The following RYR2 variants were observed in gnomAD, a reference collection of about 807,000 sequenced individuals.
RYR2 encodes the protein ryanodine receptor 2, also known as cardiac muscle ryanodine receptor-calcium release channel.
A neutral mutation model predicts 601.1 loss-of-function variants in RYR2; 227 were observed. The ratio of observed to expected loss-of-function variants is 0.38; its 90% confidence interval spans 0.34 to 0.42. The LOEUF is 0.42. Among genes scored for constraint, RYR2 ranks in the 10% least tolerant of loss-of-function variants. RYR2 has a pLI of 1.00. For synonymous variants in RYR2, 2,223 were observed against 2,175.1 expected, an observed-to-expected ratio of 1.02 and a Z score of -0.61; for missense variants, 4,646 against 6,156.5, an observed-to-expected ratio of 0.75 and a Z score of 8.21.
chr1:237,151,016 G>A (rs1372548933), intron 1 of RYR2, among the ~76,000 whole-genome samples: 1 of 152,080 alleles, frequency 6.6e-6, no homozygotes, highest in Non-Finnish European at 1.5e-5. Flanking sequence ...CAAATACACA[G>A]GAGTCACTGG....
chr1:237,463,876 C>T (rs770677815), intron 16 of RYR2, among the ~76,000 whole-genome samples: 4 of 151,990 alleles, frequency 2.6e-5, no homozygotes, highest in Non-Finnish European at 5.9e-5. Context: ...GCATGGTTTT[C>T]CGTTTTATTT....
chr1:237,276,365 G>C (rs1327273970), intron 2 of RYR2, among the ~76,000 whole-genome samples: 4 of 152,168 alleles, frequency 2.6e-5, no homozygotes. Context: ...CTCCCAAAGT[G>C]CTGAGATTAC....
intron 1 of RYR2, among the ~76,000 whole-genome samples, chr1:237,203,752 AAT>A (rs1394525673): frequency 6.6e-6 from 1 of 152,166 alleles, no homozygotes; most frequent in African/African-American, 2.4e-5. Flanking sequence ...TTAAATGGAC[AAT>A]TTGATGATTT....
At chr1:237,194,264 A>T (rs1680314211) in intron 1 of RYR2, among the ~76,000 whole-genome samples, 1 of 152,180 alleles carries the variant, frequency 6.6e-6, no homozygotes, top group Non-Finnish European at 1.5e-5. Context: ...CCGGATTAGA[A>T]ATCTAGAGAA....
At chr1:237,741,368 TG>T in intron 79 of RYR2, among the ~76,000 whole-genome samples, 1 of 152,248 alleles carries the variant, frequency 6.6e-6, no homozygotes, top group African/African-American at 2.4e-5. Flanking sequence ...GTTTATGATT[TG>T]TAGCTTATAT....
chr1:237,436,765 G>A (rs1022359082), intron 12 of RYR2, among the ~76,000 whole-genome samples: 11 of 150,796 alleles, frequency 7.3e-5, no homozygotes, highest in Non-Finnish European at 1.2e-4. Context: ...ATAGACATAC[G>A]GATGATTTTA....
intron 97 of RYR2, among the ~76,000 whole-genome samples, 170 bp from the exon 98 acceptor site, chr1:237,801,686 A>G (rs1465351026): frequency 6.6e-6 from 1 of 152,202 alleles, no homozygotes; most frequent in Non-Finnish European, 1.5e-5. Context: ...TCTAGGATAC[A>G]GTGTCAGAGT....
At chr1:237,730,912 C>G (rs1216050072) in intron 77 of RYR2, among the ~76,000 whole-genome samples, 1 of 152,242 alleles carries the variant, frequency 6.6e-6, no homozygotes, top group South Asian at 2.1e-4. Context: ...GTCATGGACC[C>G]ATCTAAATAT....
At chr1:237,578,784 T>C (rs997629403) in intron 29 of RYR2, among the ~76,000 whole-genome samples, 2 of 151,234 alleles carry the variant, frequency 1.3e-5, no homozygotes, top group Admixed American at 6.6e-5. Context: ...GATAAGGTGG[T>C]GGGAGTGGGG....
chr1:237,810,836 T>A (rs1054159468), intron 100 of RYR2, among the ~76,000 whole-genome samples: 1 of 152,122 alleles, frequency 6.6e-6, no homozygotes, highest in Non-Finnish European at 1.5e-5. Context: ...ACATTTAATT[T>A]AAAAAAACAA....
intron 38 of RYR2, among the ~76,000 whole-genome samples, chr1:237,620,163 A>G (rs1183785302): frequency 1.3e-5 from 2 of 152,176 alleles, no homozygotes; most frequent in East Asian, 3.8e-4. Context: ...TTTAAAAATT[A>G]TAAACAGAGG....
chr1:237,719,875 A>G (rs532245179), intron 73 of RYR2, among the ~76,000 whole-genome samples: 1 of 152,318 alleles, frequency 6.6e-6, no homozygotes, highest in African/African-American at 2.4e-5. Context: ...TGAGGATTAC[A>G]TTTCCACATG....
chr1:237,525,503 T>G (rs1207976930), intron 24 of RYR2, among the ~76,000 whole-genome samples: 1 of 152,002 alleles, frequency 6.6e-6, no homozygotes. Flanking sequence ...TAGGTTGGAG[T>G]GCAGTGGCAT....
chr1:237,313,534 A>G (rs763018772), intron 2 of RYR2, among the ~76,000 whole-genome samples: 4 of 152,176 alleles, frequency 2.6e-5, no homozygotes, highest in Non-Finnish European at 5.9e-5. Flanking sequence ...GAAGCTGAAA[A>G]CAGTGAGGAA....
chr1:237,230,424 C>G (rs12078693), intron 1 of RYR2, among the ~76,000 whole-genome samples: 45,715 of 151,954 alleles, frequency 0.3, 7,666 homozygotes, highest in East Asian at 0.4. Context: ...AATGAATAAT[C>G]AGATCTCTCA....
At chr1:237,628,499 C>G (rs1026251353) in intron 41 of RYR2, among the ~76,000 whole-genome samples, 3 of 151,462 alleles carry the variant, frequency 2.0e-5, no homozygotes, top group African/African-American at 7.3e-5. Flanking sequence ...CGATAGTTTA[C>G]TGAGAATGAT....
chr1:237,348,370 T>C (rs916420297), intron 3 of RYR2, among the ~76,000 whole-genome samples: 1 of 152,176 alleles, frequency 6.6e-6, no homozygotes, highest in Non-Finnish European at 1.5e-5. Context: ...CTATCGATTC[T>C]ATGAAACAAT....
At chr1:237,429,068 T>G (rs1706512639) in intron 12 of RYR2, among the ~76,000 whole-genome samples, 1 of 152,062 alleles carries the variant, frequency 6.6e-6, no homozygotes, top group Non-Finnish European at 1.5e-5. Context: ...GACTGGGAAC[T>G]GGGAACATGC....
intron 35 of RYR2, 30 bp downstream of exon 35, chr1:237,602,141 T>C (rs747791820): frequency 6.4e-7 from 1 of 1,550,802 alleles, no homozygotes; most frequent in Non-Finnish European, 8.9e-7. Context: ...GTATTGTATT[T>C]GTATTTTTTC....
Sources: gnomAD v4.1 joint callset for allele counts (sites outside exome capture counted in the v4.1 genomes callset) on GRCh38, gnomAD v4.1.1 for gene constraint, MANE v1.5 for transcripts, NCBI Gene and HGNC (gene_info 2026-07-23, HGNC 2026-07-21) for gene names.